Variants in SLIT2 observed in about 807,000 individuals in gnomAD.
SLIT2 encodes the protein slit guidance ligand 2.
In SLIT2, 41 loss-of-function variants were observed where a neutral mutation model predicts 185.7. The observed-to-expected ratio is 0.22, with a 90% CI of 0.17 to 0.29. The LOEUF is 0.29. SLIT2 is among the 10% of genes least tolerant of loss of function. SLIT2 has a pLI of 1.00. For missense variants in SLIT2, 1,571 were observed against 1,909.0 expected (o/e 0.82, Z 3.30); for synonymous variants, 693 against 680.2 (o/e 1.02, Z -0.29).
At chr4:20,405,217 A>G (rs1448000068) in intron 4 of SLIT2, among the ~76,000 whole-genome samples, 1 of 151,938 alleles carries the variant, frequency 6.6e-6, no homozygotes, top group Non-Finnish European at 1.5e-5. Context: ...ATAGCATTAA[A>G]TAATGTATCA....
chr4:20,521,924 A>AT (rs1273867006), intron 12 of SLIT2, among the ~76,000 whole-genome samples: 1 of 152,182 alleles, frequency 6.6e-6, no homozygotes, highest in Non-Finnish European at 1.5e-5. Flanking sequence ...CATTACACAT[A>AT]TTTTTTGAGC....
chr4:20,347,487 AT>A (rs1214957181), intron 4 of SLIT2, among the ~76,000 whole-genome samples: 4 of 152,158 alleles, frequency 2.6e-5, no homozygotes, highest in African/African-American at 9.7e-5. Flanking sequence ...TTCCTGTGGC[AT>A]TTTTTAGTAG....
At chr4:20,555,851 G>GT (rs1160067324) in intron 26 of SLIT2, among the ~76,000 whole-genome samples, 11 of 151,626 alleles carry the variant, frequency 7.3e-5, no homozygotes, top group Non-Finnish European at 1.6e-4. Context: ...ATATTGCATT[G>GT]TTTTTTTCTT....
intron 4 of SLIT2, among the ~76,000 whole-genome samples, chr4:20,403,808 A>G (rs1398972163): frequency 3.3e-5 from 5 of 151,622 alleles, no homozygotes; most frequent in Non-Finnish European, 4.4e-5. Flanking sequence ...TAAAATTTTA[A>G]TTTGCTATGG....
chr4:20,486,410 T>C (rs1717243142), intron 7 of SLIT2, 139 bp downstream of exon 7: 2 of 581,378 alleles, frequency 3.4e-6, no homozygotes, highest in African/African-American at 1.9e-5. Context: ...AGACTAGATA[T>C]GATATTTGTG....
chr4:20,511,800 T>C (rs1265956765), intron 11 of SLIT2, among the ~76,000 whole-genome samples: 2 of 151,808 alleles, frequency 1.3e-5, no homozygotes, highest in African/African-American at 2.4e-5. Context: ...GGAGACAATA[T>C]CAGTCTCCTT....
At chr4:20,263,105 A>G (rs909878286) in intron 3 of SLIT2, among the ~76,000 whole-genome samples, 3 of 151,730 alleles carry the variant, frequency 2.0e-5, no homozygotes, top group Non-Finnish European at 4.4e-5. Flanking sequence ...TTTTACATTT[A>G]ATTCCCTCTC....
At chr4:20,342,120 A>C (rs949824188) in intron 4 of SLIT2, among the ~76,000 whole-genome samples, 2 of 152,152 alleles carry the variant, frequency 1.3e-5, no homozygotes, top group East Asian at 1.9e-4. Flanking sequence ...ATTTTTAGAA[A>C]GTGTACCATT....
At chr4:20,516,007 G>A (rs1490632220) in intron 11 of SLIT2, among the ~76,000 whole-genome samples, 4 of 152,170 alleles carry the variant, frequency 2.6e-5, no homozygotes, top group African/African-American at 7.2e-5. Flanking sequence ...AGTAGAGACA[G>A]GGTTTCACTG....
intron 23 of SLIT2, 41 bp from the exon 24 acceptor site, chr4:20,549,016 G>T (rs758475652): frequency 5.0e-6 from 6 of 1,202,036 alleles, no homozygotes; most frequent in Middle Eastern, 1.9e-4. Context: ...GGCCATTTTT[G>T]GATTTCTGAA....
At chr4:20,368,028 T>A (rs1723251660) in intron 4 of SLIT2, among the ~76,000 whole-genome samples, 1 of 152,034 alleles carries the variant, frequency 6.6e-6, no homozygotes, top group African/African-American at 2.4e-5. Context: ...CTTTTTTCTG[T>A]TCTTGAAAAC....
intron 4 of SLIT2, among the ~76,000 whole-genome samples, chr4:20,433,441 G>A (rs1729131522): frequency 6.6e-6 from 1 of 152,232 alleles, no homozygotes. Context: ...TTCCCGGAGT[G>A]TGGTGTGTTT....
intron 4 of SLIT2, among the ~76,000 whole-genome samples, chr4:20,353,470 A>G (rs1722045593): frequency 6.6e-6 from 1 of 152,200 alleles, no homozygotes; most frequent in Non-Finnish European, 1.5e-5. Context: ...AATATTCTTT[A>G]TGAATTACAT....
chr4:20,585,078 A>G (rs1726942602), intron 29 of SLIT2, among the ~76,000 whole-genome samples: 1 of 152,020 alleles, frequency 6.6e-6, no homozygotes, highest in South Asian at 2.1e-4. Context: ...AACAAAAAAC[A>G]ACAAAAAAAA....
chr4:20,372,300 A>T (rs1260440342), intron 4 of SLIT2, among the ~76,000 whole-genome samples: 1 of 151,844 alleles, frequency 6.6e-6, no homozygotes, highest in Admixed American at 6.6e-5. Flanking sequence ...TGGCTTCAAA[A>T]CTAGTTTTGT....
intron 4 of SLIT2, among the ~76,000 whole-genome samples, chr4:20,419,305 A>G (rs1370247453): frequency 2.6e-5 from 4 of 152,146 alleles, no homozygotes; most frequent in Non-Finnish European, 1.5e-5. Context: ...TATTTTAATA[A>G]AAATGTGCTT....
intron 33 of SLIT2, among the ~76,000 whole-genome samples, chr4:20,601,996 G>A (rs1728446640): frequency 6.6e-6 from 1 of 152,086 alleles, no homozygotes; most frequent in African/African-American, 2.4e-5. Flanking sequence ...CCACATTGAA[G>A]AAAATTGATT....
At position 20,463,481 on chromosome 4, in the gene SLIT2, ATATATATATATG is replaced by A. The variant is rs1309747530; in HGVS notation, c.396-4269_396-4258del. On this transcript the variant is annotated intron_variant, in intron 4 of 36. Coordinates refer to ENST00000504154, the MANE Select transcript of SLIT2 (RefSeq NM_004787.4). ...TATATATATATATATATATATATAT[ATATATATATATG>A]TGTGTGTGCGTATATCCATATATGT... Among the ~76,000 whole-genome samples the A allele has an allele frequency of 7.3e-4, 61 of 83,918 alleles. 1 individual carries two copies. Among genetic ancestry groups the A allele is most frequent in the African/African-American group, 2.8e-3 (58 of 20,444 alleles). 55.1% of individuals were successfully genotyped at this position (83,918 alleles called of 152,430 possible).
At chr4:20,611,183 G>C (rs1374833922) in intron 34 of SLIT2, among the ~76,000 whole-genome samples, 1 of 152,186 alleles carries the variant, frequency 6.6e-6, no homozygotes, top group Non-Finnish European at 1.5e-5. Flanking sequence ...ATATTTTCAT[G>C]AGTTTCACAT....
Sources: gnomAD v4.1 joint callset for allele counts (sites outside exome capture counted in the v4.1 genomes callset) on GRCh38, gnomAD v4.1.1 for gene constraint, MANE v1.5 for transcripts, NCBI Gene and HGNC (gene_info 2026-07-23, HGNC 2026-07-21) for gene names.